DPP6: variants seen among roughly 807,000 people sequenced by gnomAD.
DPP6 encodes A-type potassium channel modulatory protein DPP6.
DPP6 carries 69 observed loss-of-function variants against 122.6 expected under a neutral mutation model. That is an observed-to-expected ratio of 0.56 (90% CI 0.46 to 0.69). DPP6 has a LOEUF of 0.69. DPP6 is among the 30% of genes least tolerant of loss of function. The pLI, the probability that DPP6 is intolerant of heterozygous loss-of-function variation, is 0.00. For synonymous variants in DPP6, 418 were observed against 433.1 expected (o/e 0.97, Z 0.43); for missense variants, 928 against 1,116.9 (o/e 0.83, Z 2.41).
At chr7:154,603,961 G>A (rs537164874) in intron 5 of DPP6, among the ~76,000 whole-genome samples, 1 of 120,094 alleles carries the variant, frequency 8.3e-6, no homozygotes, top group African/African-American at 2.6e-5. Context: ...TAGACCAGGT[G>A]GGTTCACTGC....
chr7:154,561,938 A>G (rs1830451461), intron 4 of DPP6, among the ~76,000 whole-genome samples: 1 of 152,184 alleles, frequency 6.6e-6, no homozygotes. Context: ...AATAAATTGA[A>G]TTCGTAGTTT....
chr7:154,213,448 C>A (rs2150812919), intron 1 of DPP6, among the ~76,000 whole-genome samples: 1 of 152,294 alleles, frequency 6.6e-6, no homozygotes, highest in Non-Finnish European at 1.5e-5. Flanking sequence ...GCCTCATCAC[C>A]ACCCTGAGTG....
chr7:153,888,331 T>G (rs1799032505), intron 1 of DPP6, among the ~76,000 whole-genome samples: 1 of 152,202 alleles, frequency 6.6e-6, no homozygotes, highest in Admixed American at 6.5e-5. Flanking sequence ...TCAGGGGCAC[T>G]TCGTCCCCCA....
intron 2 of DPP6, among the ~76,000 whole-genome samples, chr7:154,463,791 G>C (rs547948545): frequency 1.1e-4 from 16 of 152,160 alleles, no homozygotes; most frequent in Admixed American, 6.5e-4. Flanking sequence ...GACTCTTCCT[G>C]GTGCTCTATT....
rs569498417 is a variant in DPP6 at position 154,525,284 on chromosome 7, C to T, written c.458-15248C>T. 3.9e-5 allele frequency among the ~76,000 whole-genome samples: 6 copies of T among 152,304 alleles called. No homozygotes were observed. In the South Asian group the frequency reaches 1.0e-3, roughly 26 times the overall value. On this transcript the variant is annotated intron_variant, in intron 3 of 25. Transcript: ENST00000377770. Reference sequence around the variant, plus strand: ...TCAGCCTCTTGAGTATCTGGGACTACAGGCAAATACCACCATACCCAGCTA... The same window carrying T: ...TCAGCCTCTTGAGTATCTGGGACTATAGGCAAATACCACCATACCCAGCTA...
chr7:154,314,618 C>A (rs1410098124), intron 1 of DPP6, among the ~76,000 whole-genome samples: 1 of 152,196 alleles, frequency 6.6e-6, no homozygotes, highest in Non-Finnish European at 1.5e-5. Context: ...CATGGGGGAG[C>A]CCAGCTCACA....
intron 1 of DPP6, among the ~76,000 whole-genome samples, chr7:153,997,850 A>G (rs1797518323): frequency 6.6e-6 from 1 of 151,594 alleles, no homozygotes; most frequent in African/African-American, 2.4e-5. Flanking sequence ...AAGAGGAGAA[A>G]AGAATAGAGA....
chr7:153,881,706 C>G, the DPP6 span, among the ~76,000 whole-genome samples: 1 of 152,170 alleles, frequency 6.6e-6, no homozygotes, highest in African/African-American at 2.4e-5. Context: ...TCCTTCCACC[C>G]TCATTTCCAT....
intron 1 of DPP6, among the ~76,000 whole-genome samples, chr7:154,046,924 CTG>C (rs1279035409): frequency 6.6e-6 from 1 of 152,146 alleles, no homozygotes; most frequent in East Asian, 1.9e-4. Flanking sequence ...TTTCCACTCT[CTG>C]TAACTGTTTC....
At chr7:154,310,527 G>C (rs1806775942) in intron 1 of DPP6, among the ~76,000 whole-genome samples, 1 of 152,134 alleles carries the variant, frequency 6.6e-6, no homozygotes, top group Non-Finnish European at 1.5e-5. Flanking sequence ...GTTTGGTTTT[G>C]TTTTTTAAAA....
chr7:154,411,689 T>C (rs973576684), intron 1 of DPP6, among the ~76,000 whole-genome samples: 1 of 152,222 alleles, frequency 6.6e-6, no homozygotes, highest in African/African-American at 2.4e-5. Flanking sequence ...CTGTTTTCTT[T>C]TAGGCTCAAC....
At chr7:154,407,800 C>G (rs546148599) in intron 1 of DPP6, among the ~76,000 whole-genome samples, 5 of 152,156 alleles carry the variant, frequency 3.3e-5, no homozygotes, top group African/African-American at 9.6e-5. Flanking sequence ...ATACCGTGTC[C>G]AATATGGAGA....
the DPP6 span, among the ~76,000 whole-genome samples, chr7:153,782,169 C>T: frequency 6.6e-6 from 1 of 151,834 alleles, no homozygotes; most frequent in Non-Finnish European, 1.5e-5. Flanking sequence ...GACCATGATT[C>T]CTCTCAGTCG....
At chr7:154,749,976 T>A (rs2131456207) in intron 8 of DPP6, among the ~76,000 whole-genome samples, 1 of 140,696 alleles carries the variant, frequency 7.1e-6, no homozygotes, top group South Asian at 2.4e-4. Flanking sequence ...GAGGCTTTAC[T>A]GAGAGAGGGT....
At chr7:154,652,173 T>G (rs1213534622) in intron 6 of DPP6, among the ~76,000 whole-genome samples, 1 of 152,130 alleles carries the variant, frequency 6.6e-6, no homozygotes, top group African/African-American at 2.4e-5. Flanking sequence ...ACCAGGATAC[T>G]GGGGCAAGGC....
chr7:154,689,971 T>C (rs1324842703), intron 7 of DPP6, among the ~76,000 whole-genome samples: 1 of 152,194 alleles, frequency 6.6e-6, no homozygotes, highest in African/African-American at 2.4e-5. Context: ...TTGCTTTGCT[T>C]GGCAGGAATA....
At chr7:153,865,284 G>T in the DPP6 span, among the ~76,000 whole-genome samples, 39 of 152,096 alleles carry the variant, frequency 2.6e-4, no homozygotes, top group African/African-American at 9.4e-4. Flanking sequence ...GAAAAGTAAG[G>T]TTACTCATTC....
At chr7:153,922,757 A>G (rs182659092) in intron 1 of DPP6, among the ~76,000 whole-genome samples, 1 of 152,306 alleles carries the variant, frequency 6.6e-6, no homozygotes, top group East Asian at 1.9e-4. Flanking sequence ...CCATGGCAAA[A>G]ATACCACCTT....
intron 1 of DPP6, among the ~76,000 whole-genome samples, chr7:154,016,184 G>A (rs934062674): frequency 1.4e-4 from 21 of 151,872 alleles, no homozygotes; most frequent in African/African-American, 4.4e-4. Flanking sequence ...CTCTCCCCCC[G>A]CCACACAATC....
Sources: gnomAD v4.1 joint callset for allele counts (sites outside exome capture counted in the v4.1 genomes callset) on GRCh38, gnomAD v4.1.1 for gene constraint, MANE v1.5 for transcripts, NCBI Gene and HGNC (gene_info 2026-07-23, HGNC 2026-07-21) for gene names.